ATAD2: variants seen among roughly 807,000 people sequenced by gnomAD.
ATAD2 encodes ATPase family AAA domain-containing protein 2.
Under a neutral mutation model 168.9 loss-of-function variants are expected in ATAD2, and 62 were observed. The observed-to-expected ratio is 0.37, with a 90% CI of 0.30 to 0.45. The LOEUF (loss-of-function observed/expected upper bound fraction) is 0.45, where lower values mean the gene tolerates loss of function less well. Ranked by LOEUF, ATAD2 falls within the 20% of genes least tolerant of loss-of-function variation. ATAD2 has a pLI of 1.00. For missense variants in ATAD2, 1,419 were observed against 1,667.8 expected (o/e 0.85, Z 2.60); for synonymous variants, 613 against 571.6 (o/e 1.07, Z -1.03).
At chr8:123,378,701 C>CAAAAAAAAAAAAAAAAAAAAAAAAAAA (rs71808201) in intron 2 of ATAD2, among the ~76,000 whole-genome samples, 2 of 73,044 alleles carry the variant, frequency 2.7e-5, no homozygotes, top group African/African-American at 1.2e-4. Flanking sequence ...GACTGTGTCT[C>CAAAAAAAAAAAAAAAAAAAAAAAAAAA]AAAAAAAAAA....
chr8:123,408,136 GA>G (rs1008954923), intron 1 of ATAD2, among the ~76,000 whole-genome samples: 6 of 152,026 alleles, frequency 3.9e-5, no homozygotes, highest in Non-Finnish European at 8.8e-5. Flanking sequence ...CACAAAAGAA[GA>G]AAAAAAATTA....
Position 123,323,068 on chromosome 8 carries a change from TAA to T in ATAD2, c.4003-4_4003-3del. ...TTTAACAACAGTCTTCAAAAGATTCTAAAAGAAAATATGAGTGTCAATATGTG... is the reference window on the plus strand; with the variant it reads ...TTTAACAACAGTCTTCAAAAGATTCTAAGAAAATATGAGTGTCAATATGTG... On this transcript the variant is annotated splice_polypyrimidine_tract_variant and splice_region_variant and intron_variant, in intron 26 of 27. Transcript: ENST00000287394. 6.2e-7 allele frequency: 1 copy of T among 1,607,282 alleles called. No homozygotes were observed. The highest frequency in any genetic ancestry group is 8.5e-7 in the Non-Finnish European group (1 of 1,176,138).
At chr8:123,403,361 A>G (rs1813031341) in intron 1 of ATAD2, among the ~76,000 whole-genome samples, 2 of 151,134 alleles carry the variant, frequency 1.3e-5, no homozygotes, top group South Asian at 2.1e-4. Flanking sequence ...AGGCCTCCCA[A>G]AGTGGTGGGA....
chr8:123,332,703 G>C (rs181533238), intron 24 of ATAD2, among the ~76,000 whole-genome samples: 147 of 152,086 alleles, frequency 9.7e-4, no homozygotes, highest in African/African-American at 3.4e-3. Context: ...ACTTTTAATG[G>C]CAAAACCACA....
At chr8:123,340,650 GAC>G (rs774389188) in intron 19 of ATAD2, among the ~76,000 whole-genome samples, 6 of 152,108 alleles carry the variant, frequency 3.9e-5, no homozygotes, top group Non-Finnish European at 8.8e-5. Flanking sequence ...ATAAAATTTG[GAC>G]ACAAGATACA....
chr8:123,414,577 T>A (rs1312317590), intron 1 of ATAD2, among the ~76,000 whole-genome samples: 1 of 152,140 alleles, frequency 6.6e-6, no homozygotes, highest in Non-Finnish European at 1.5e-5. Flanking sequence ...TGAGCTATGA[T>A]TGCACCACTG....
At chr8:123,414,092 C>CA (rs57662854) in intron 1 of ATAD2, among the ~76,000 whole-genome samples, 460 of 40,618 alleles carry the variant, frequency 0.011, 44 homozygotes, top group African/African-American at 0.031. Flanking sequence ...ACTCTTATCT[C>CA]AAAAAAAAAA....
chr8:123,377,927 T>C (rs1829368271), intron 2 of ATAD2, among the ~76,000 whole-genome samples: 1 of 152,214 alleles, frequency 6.6e-6, no homozygotes, highest in East Asian at 1.9e-4. Context: ...TCAAATTTTA[T>C]GGCAATTCTC....
chr8:123,371,846 G>T lies in ATAD2; in HGVS notation c.371-11C>A. 1 of 1,560,674 alleles carries T rather than the reference G, an allele frequency of 6.4e-7. No homozygotes were observed. The highest frequency in any genetic ancestry group is 8.6e-7 in the Non-Finnish European group (1 of 1,157,798). On this transcript the variant is annotated splice_polypyrimidine_tract_variant and intron_variant, in intron 3 of 27. Transcript: ENST00000287394. Reference sequence around the variant, plus strand: ...CTGGAATCACTTTGTCTTCACAAATGCATACATAAAAATAAATAGAAACAT... The same window carrying T: ...CTGGAATCACTTTGTCTTCACAAATTCATACATAAAAATAAATAGAAACAT...
At chr8:123,347,574 A>G (rs1828292184) in intron 15 of ATAD2, among the ~76,000 whole-genome samples, 168 bp from the exon 16 acceptor site, 1 of 152,214 alleles carries the variant, frequency 6.6e-6, no homozygotes, top group Non-Finnish European at 1.5e-5. Flanking sequence ...CAGTAAACTT[A>G]TAGGGTAGTA....
chr8:123,393,122 T>C (rs1214455007), intron 1 of ATAD2, among the ~76,000 whole-genome samples: 2 of 151,066 alleles, frequency 1.3e-5, no homozygotes, highest in Admixed American at 6.6e-5. Context: ...GAGGTGGAGC[T>C]TGCAGTGAGC....
intron 1 of ATAD2, among the ~76,000 whole-genome samples, chr8:123,412,205 A>G (rs955833132): frequency 1.3e-5 from 2 of 152,214 alleles, no homozygotes; most frequent in African/African-American, 2.4e-5. Flanking sequence ...CAGAGACACT[A>G]TATCAGCTCT....
chr8:123,384,079 CAAAAAAAAAAA>C (rs754380577), intron 1 of ATAD2, among the ~76,000 whole-genome samples: 8 of 73,398 alleles, frequency 1.1e-4, no homozygotes, highest in Non-Finnish European at 2.4e-4. Context: ...GACTCCGTCT[CAAAAAAAAAAA>C]AAAAGAAAGA....
rs148470349 is a variant in ATAD2 at position 123,347,143 on chromosome 8, G to T, written c.2161C>A (p.Gln721Lys). The T allele has an allele frequency of 1.2e-6, 2 of 1,614,042 alleles. No individual in the cohort carries two copies. The highest frequency in any genetic ancestry group is 2.7e-5 in the African/African-American group (2 of 74,914). The change falls in exon 16 of 28, where the codon CAG becomes AAG. Residue 721 changes from glutamine (Q) to lysine (K), a missense_variant. Physicochemically the swap from Gln to Lys is moderately conservative, Grantham distance 53. This residue lies in a region of ATAD2 where 545 missense variants were observed against 724.9 expected (regional missense o/e 0.75). Coordinates refer to ENST00000287394, the MANE Select transcript of ATAD2 (RefSeq NM_014109.4). ...NTVDKILEAL[Q>K]RVFPHAEFRT... ...AATTCTGCATGTGGAAATACTCTCT[G>T]CAGGGCTTCTAAAATCTTGTCAACA...
rs1483452224 is a variant in ATAD2 at position 123,380,588 on chromosome 8, A to G, written c.261T>C (p.Ser87=). 2 of 1,614,046 alleles carry G rather than the reference A, an allele frequency of 1.2e-6. No homozygotes were observed. Among genetic ancestry groups the G allele is most frequent in the Non-Finnish European group, 8.5e-7 (1 of 1,179,948 alleles). The part of the protein sequence containing the change: ...LRKDAQNSSD[S]SFEKNVEITE... ...TTATTTCCACATTCTTCTCAAAACT[A>G]GAATCTGAAGAATTCTGTGCATCTT... Residue 87 remains serine (S), a synonymous_variant, in exon 2 of 28, where the codon TCT becomes TCC. Coordinates refer to ENST00000287394, the MANE Select transcript of ATAD2 (RefSeq NM_014109.4).
At position 123,325,161 on chromosome 8, in the gene ATAD2, A is replaced by G. The variant is rs1387027922; in HGVS notation, c.4002+732T>C. Among the ~76,000 whole-genome samples the G allele has an allele frequency of 7.7e-5, 11 of 143,720 alleles. 1 individual carries two copies. In the South Asian group the frequency reaches 1.8e-3, roughly 23 times the overall value. The allele number at this position is 143,720 out of a possible 152,430, so 94.3% of individuals were successfully genotyped here. On this transcript the variant is annotated intron_variant, in intron 26 of 27. Transcript: ENST00000287394. ...CTTGTCATCCAGGCTGGAAGGCACG[A>G]TCTCGGCTTACTGCAACCTCCACCT...
Position 123,320,976 on chromosome 8 carries a change from T to A in ATAD2, c.*158A>T. 3.1e-6 allele frequency: 2 copies of A among 644,612 alleles called. No homozygotes were observed. The highest frequency in any genetic ancestry group is 3.9e-5 in the South Asian group (2 of 51,168). The allele number at this position is 644,612 out of a possible 1,614,324, so 39.9% of individuals were successfully genotyped here. A position where few individuals can be genotyped will look rare whatever the true frequency, so the allele number is the denominator to read the frequency against. Reference sequence around the variant, plus strand: ...ATCTTACACATGACATTTATCTTAATATGTACATAAATATCAGGAAAGTTT... The same window carrying A: ...ATCTTACACATGACATTTATCTTAAAATGTACATAAATATCAGGAAAGTTT... On this transcript the variant is annotated 3_prime_UTR_variant, in exon 28 of 28. Coordinates refer to ENST00000287394, the MANE Select transcript of ATAD2 (RefSeq NM_014109.4).
At chr8:123,363,456 A>G (rs1357649720) in intron 8 of ATAD2, among the ~76,000 whole-genome samples, 1 of 152,184 alleles carries the variant, frequency 6.6e-6, no homozygotes, top group African/African-American at 2.4e-5. Flanking sequence ...TCTGAAACAC[A>G]AATGGTTTTC....
intron 10 of ATAD2, 118 bp downstream of exon 10, chr8:123,359,459 C>A: frequency 8.1e-7 from 1 of 1,237,104 alleles, no homozygotes; most frequent in South Asian, 1.3e-5. Context: ...TAACAGAAAA[C>A]GTCTGTAAAG....
Sources: gnomAD v4.1 joint callset for allele counts (sites outside exome capture counted in the v4.1 genomes callset) on GRCh38, gnomAD v4.1.1 for gene constraint, gnomAD v4.1.1 regional missense constraint, MANE v1.5 for transcripts, NCBI Gene and HGNC (gene_info 2026-07-23, HGNC 2026-07-21) for gene names.